DTL: variants seen among roughly 807,000 people sequenced by gnomAD.
DTL encodes denticleless E3 ubiquitin protein ligase adapter, also known as denticleless protein homolog.
Under a neutral mutation model 87.0 loss-of-function variants are expected in DTL, and 46 were observed. The ratio of observed to expected loss-of-function variants is 0.53; its 90% CI spans 0.42 to 0.68. DTL has a LOEUF of 0.68. DTL is among the 30% of genes least tolerant of loss of function. The pLI is 0.00. For missense variants in DTL, 737 were observed against 869.4 expected (o/e 0.85, Z 1.91); for synonymous variants, 308 against 311.2 (o/e 0.99, Z 0.11).
intron 5 of DTL, among the ~76,000 whole-genome samples, chr1:212,053,982 G>T (rs1321059230): frequency 2.0e-5 from 3 of 152,132 alleles, no homozygotes; most frequent in African/African-American, 7.2e-5. Context: ...CATTGCGAGT[G>T]GTATGTTGGA....
chr1:212,044,664 C>T lies in DTL; in HGVS notation c.183C>T (p.Pro61=). 6.3e-7 allele frequency: 1 copy of T among 1,596,318 alleles called. No individual in the cohort carries two copies. The highest frequency in any genetic ancestry group is 8.6e-7 in the Non-Finnish European group (1 of 1,169,136). ...PPFGCTFSSA[P]NMEHVLAVAN... is the part of the protein sequence containing the mutation. ...TTTTCTTTATTTCTGCTTTAGCTCC[C>T]AATATGGAACATGTACTAGCAGTTG... The change falls in exon 3 of 15, where the codon CCC becomes CCT. Residue 61 remains proline (P), a synonymous_variant. Coordinates refer to ENST00000366991, the MANE Select transcript of DTL (RefSeq NM_016448.4).
chr1:212,078,569 A>G (rs1654902294), intron 12 of DTL, among the ~76,000 whole-genome samples: 1 of 152,328 alleles, frequency 6.6e-6, no homozygotes, highest in South Asian at 2.1e-4. Context: ...AGATAAAAAT[A>G]CAATCTAAGG....
At chr1:212,049,439 T>C (rs1406908303) in intron 5 of DTL, among the ~76,000 whole-genome samples, 1 of 152,244 alleles carries the variant, frequency 6.6e-6, no homozygotes, top group Non-Finnish European at 1.5e-5. Context: ...AAAATTTACC[T>C]AACTAAAGAG....
At chr1:212,081,082 A>T (rs1654979116) in intron 13 of DTL, among the ~76,000 whole-genome samples, 1 of 152,210 alleles carries the variant, frequency 6.6e-6, no homozygotes, top group Non-Finnish European at 1.5e-5. Context: ...TGTGAGAGGC[A>T]ATAAACAAGA....
intron 11 of DTL, among the ~76,000 whole-genome samples, chr1:212,073,827 G>C (rs777029187): frequency 6.6e-6 from 1 of 151,916 alleles, no homozygotes; most frequent in African/African-American, 2.4e-5. Flanking sequence ...CTTCTTACTT[G>C]AGATTTTAAG....
rs115947186 is a variant in DTL at position 212,080,763 on chromosome 1, T to C, written c.1261+13T>C. On this transcript the variant is annotated intron_variant, in intron 13 of 14. Transcript: ENST00000366991. The stretch of plus-strand genomic sequence containing the variant: ...AGACCTGGCCTAGGTAAGGATATCA[T>C]ATACTTTCCAAGTTTTTTATGGTTT... 2.0e-3 allele frequency: 3,273 copies of C among 1,611,956 alleles called. 57 individuals are homozygous for C. In the African/African-American group the frequency reaches 0.038, roughly 19 times the overall value.
rs1000155689 is a variant in DTL at position 212,043,044 on chromosome 1, G to C, written c.104G>C (p.Ser35Thr). Residue 35 changes from serine to threonine, a missense_variant, in exon 2 of 15, where the codon AGT (serine) becomes ACT (threonine). Transcript: ENST00000366991. ...LQSLLTGYQCSGNDEHTSYGE... is the reference protein window; with the variant it reads ...LQSLLTGYQCTGNDEHTSYGE... ...TCCCTTCTGACTGGTTATCAGTGCA[G>C]TGGTAATGATGAACACACTTCTTAT... 4.3e-6 allele frequency: 7 copies of C among 1,613,166 alleles called. No individual in the cohort carries two copies. In the African/African-American group the frequency reaches 5.3e-5, roughly 12 times the overall value.
rs186074846 is a variant in DTL, at chr1:212,043,896, A to C, written c.179-764A>C. Among the ~76,000 whole-genome samples the C allele has an allele frequency of 1.5e-3, 225 of 152,120 alleles. 2 individuals carry two copies. Among genetic ancestry groups the C allele is most frequent in the African/African-American group, 5.0e-3 (208 of 41,498 alleles). On this transcript the variant is annotated intron_variant, in intron 2 of 14. Transcript: ENST00000366991. Reference sequence around the variant, plus strand: ...CATAATAGTTTGAGAGGAAAGAAAAAGTTGTGACAAGGAAATTTAAAACTA... The same window carrying C: ...CATAATAGTTTGAGAGGAAAGAAAACGTTGTGACAAGGAAATTTAAAACTA...
chr1:212,066,976 G>C (rs1654525508), intron 8 of DTL, 91 bp downstream of exon 8: 21 of 1,108,510 alleles, frequency 1.9e-5, no homozygotes, highest in Middle Eastern at 4.0e-4. Context: ...TTGAATGTGT[G>C]TGCTTTCAAC....
At chr1:212,049,901 C>T (rs1014437481) in intron 5 of DTL, among the ~76,000 whole-genome samples, 1 of 151,070 alleles carries the variant, frequency 6.6e-6, no homozygotes, top group Non-Finnish European at 1.5e-5. Context: ...TTAATCTGAG[C>T]TCATTATGGT....
At chr1:212,093,403 G>A (rs971574014) in intron 13 of DTL, among the ~76,000 whole-genome samples, 5 of 152,214 alleles carry the variant, frequency 3.3e-5, no homozygotes, top group African/African-American at 4.8e-5. Context: ...TCTGTATCCC[G>A]GGGTTCTTGC....
intron 5 of DTL, among the ~76,000 whole-genome samples, chr1:212,061,067 A>C (rs1654284590): frequency 6.6e-6 from 1 of 152,104 alleles, no homozygotes; most frequent in African/African-American, 2.4e-5. Context: ...GTAGGCAAAC[A>C]CAGACTGGGC....
At chr1:212,064,191 A>G (rs1654422006) in intron 6 of DTL, among the ~76,000 whole-genome samples, 1 of 152,162 alleles carries the variant, frequency 6.6e-6, no homozygotes, top group Non-Finnish European at 1.5e-5. Context: ...AAAATTATTT[A>G]GAAAAATTTT....
chr1:212,046,358 G>T (rs138769534), intron 3 of DTL, among the ~76,000 whole-genome samples: 2 of 152,062 alleles, frequency 1.3e-5, no homozygotes, highest in African/African-American at 4.8e-5. Flanking sequence ...AACATGTGCC[G>T]TGGTGGTTTG....
At chr1:212,093,483 AAGT>A (rs1424397386) in intron 13 of DTL, among the ~76,000 whole-genome samples, 2 of 152,198 alleles carry the variant, frequency 1.3e-5, no homozygotes, top group Admixed American at 1.3e-4. Flanking sequence ...CACTGAGCAG[AAGT>A]AGCTTTCCGC....
intron 5 of DTL, among the ~76,000 whole-genome samples, chr1:212,047,619 G>A (rs997113769): frequency 2.6e-5 from 4 of 151,974 alleles, no homozygotes; most frequent in East Asian, 1.9e-4. Flanking sequence ...TGCTACCTCC[G>A]CTGCCTCCCA....
chr1:212,100,018 A>G (rs1228186382), intron 13 of DTL, among the ~76,000 whole-genome samples: 1 of 152,008 alleles, frequency 6.6e-6, no homozygotes, highest in Non-Finnish European at 1.5e-5. Flanking sequence ...GTTTTTCGGT[A>G]TTTTGTCGAT....
At chr1:212,094,713 T>G (rs1050002527) in intron 13 of DTL, among the ~76,000 whole-genome samples, 6 of 152,244 alleles carry the variant, frequency 3.9e-5, no homozygotes, top group Non-Finnish European at 5.9e-5. Context: ...TTTCACAGCA[T>G]TGATTCTACC....
chr1:212,062,802 T>G, intron 5 of DTL, 82 bp from the exon 6 acceptor site: 2 of 1,065,156 alleles, frequency 1.9e-6, no homozygotes, highest in Non-Finnish European at 2.9e-6. Flanking sequence ...ACATAATAGA[T>G]AGTCTACAAA....
Sources: gnomAD v4.1 joint callset for allele counts (sites outside exome capture counted in the v4.1 genomes callset) on GRCh38, gnomAD v4.1.1 for gene constraint, MANE v1.5 for transcripts, NCBI Gene and HGNC (gene_info 2026-07-23, HGNC 2026-07-21) for gene names.